The following MAGI1 variants were observed in gnomAD, a reference collection of about 807,000 sequenced individuals.
MAGI1 encodes membrane associated guanylate kinase, WW and PDZ domain containing 1.
A neutral mutation model predicts 139.9 loss-of-function variants in MAGI1; 58 were observed. The observed-to-expected ratio is 0.41, with a 90% confidence interval of 0.34 to 0.52. The LOEUF (loss-of-function observed/expected upper bound fraction) is 0.52, where lower values mean the gene tolerates loss of function less well. MAGI1 is among the 20% of genes least tolerant of loss of function. MAGI1 has a pLI of 0.12. For missense variants in MAGI1, 1,874 were observed against 1,901.6 expected (o/e 0.99, Z 0.27); for synonymous variants, 812 against 737.9 (o/e 1.10, Z -1.63).
chr3:65,384,054 T>G (rs1258688191), intron 14 of MAGI1, among the ~76,000 whole-genome samples: 1 of 152,230 alleles, frequency 6.6e-6, no homozygotes, highest in South Asian at 2.1e-4. Flanking sequence ...TCGGAAGTCA[T>G]GTTAAGTCAC....
intron 1 of MAGI1, among the ~76,000 whole-genome samples, chr3:65,689,842 G>GA (rs1230293496): frequency 6.6e-6 from 1 of 152,124 alleles, no homozygotes; most frequent in Non-Finnish European, 1.5e-5. Context: ...CAATTCACAG[G>GA]AAAAAAGGTT....
intron 1 of MAGI1, among the ~76,000 whole-genome samples, chr3:65,969,760 T>C (rs971919622): frequency 2.0e-5 from 3 of 152,218 alleles, no homozygotes; most frequent in Non-Finnish European, 4.4e-5. Context: ...CCACTAGCCA[T>C]ATGGGGCTAT....
chr3:65,510,585 G>C (rs1175761909), intron 2 of MAGI1, among the ~76,000 whole-genome samples: 1 of 141,232 alleles, frequency 7.1e-6, no homozygotes, highest in African/African-American at 2.7e-5. Context: ...GAAATGAAGC[G>C]AGAAGGGAAG....
At chr3:65,781,541 T>C (rs1024512343) in intron 1 of MAGI1, among the ~76,000 whole-genome samples, 7 of 152,168 alleles carry the variant, frequency 4.6e-5, no homozygotes, top group Non-Finnish European at 8.8e-5. Context: ...AATACAGTAG[T>C]GGTTTGTTTC....
chr3:65,701,979 C>T (rs936712544), intron 1 of MAGI1, among the ~76,000 whole-genome samples: 42 of 152,218 alleles, frequency 2.8e-4, no homozygotes, highest in African/African-American at 8.9e-4. Flanking sequence ...ATATATTCCC[C>T]GACGCTTGTT....
intron 1 of MAGI1, among the ~76,000 whole-genome samples, chr3:65,798,178 C>G (rs2040269162): frequency 7.0e-6 from 1 of 143,526 alleles, no homozygotes; most frequent in Non-Finnish European, 1.6e-5. Context: ...GTGGGGTGTG[C>G]CTGTAATCCC....
At chr3:65,833,008 G>C (rs1229896420) in intron 1 of MAGI1, among the ~76,000 whole-genome samples, 1 of 152,224 alleles carries the variant, frequency 6.6e-6, no homozygotes, top group South Asian at 2.1e-4. Flanking sequence ...ATTCCCATTT[G>C]TATGGATGAA....
chr3:65,883,883 A>C (rs2060431883), intron 1 of MAGI1, among the ~76,000 whole-genome samples: 1 of 152,236 alleles, frequency 6.6e-6, no homozygotes, highest in Non-Finnish European at 1.5e-5. Context: ...TGGAGCCAGA[A>C]CATTTCCTGT....
chr3:65,614,144 T>A (rs1267076530), intron 2 of MAGI1, among the ~76,000 whole-genome samples: 8 of 152,080 alleles, frequency 5.3e-5, no homozygotes, highest in Admixed American at 1.3e-4. Flanking sequence ...GCCCATCACA[T>A]CTGAATGTTC....
At chr3:65,522,735 A>C (rs1041235518) in intron 2 of MAGI1, among the ~76,000 whole-genome samples, 1 of 152,138 alleles carries the variant, frequency 6.6e-6, no homozygotes, top group African/African-American at 2.4e-5. Flanking sequence ...ACCTCTCCCC[A>C]AAGTAAATGC....
At chr3:65,709,035 G>T (rs928186567) in intron 1 of MAGI1, among the ~76,000 whole-genome samples, 10 of 152,332 alleles carry the variant, frequency 6.6e-5, no homozygotes, top group Admixed American at 4.6e-4. Flanking sequence ...CTGGACCTCA[G>T]AAGAGGGACA....
intron 1 of MAGI1, among the ~76,000 whole-genome samples, chr3:65,651,321 A>C: frequency 6.6e-6 from 1 of 152,198 alleles, no homozygotes; most frequent in East Asian, 1.9e-4. Context: ...CCAGATAATT[A>C]TCTTTTGAAG....
intron 1 of MAGI1, among the ~76,000 whole-genome samples, chr3:65,744,227 C>T (rs2035507218): frequency 6.6e-6 from 1 of 152,168 alleles, no homozygotes; most frequent in African/African-American, 2.4e-5. Flanking sequence ...CTAAATGCCC[C>T]ATATCAGAGA....
chr3:65,812,930 C>G (rs1226171540), intron 1 of MAGI1, among the ~76,000 whole-genome samples: 6 of 151,248 alleles, frequency 4.0e-5, no homozygotes, highest in Non-Finnish European at 7.4e-5. Flanking sequence ...AGGCTGGTCT[C>G]AAACTCCTGA....
chr3:65,478,858 A>C, intron 3 of MAGI1, 60 bp from the exon 4 acceptor site: 1 of 1,264,938 alleles, frequency 7.9e-7, no homozygotes, highest in South Asian at 1.2e-5. Flanking sequence ...TTTTTTTTTA[A>C]GACTTCACAT....
intron 1 of MAGI1, among the ~76,000 whole-genome samples, chr3:65,631,928 G>A (rs1446846174): frequency 1.3e-5 from 2 of 151,932 alleles, no homozygotes; most frequent in African/African-American, 4.8e-5. Flanking sequence ...GGGAGACTAA[G>A]GCAGGAGAAT....
At position 65,391,340 on chromosome 3, in the gene MAGI1, C is replaced by A; in HGVS notation, c.2218G>T (p.Asp740Tyr). 6.2e-7 allele frequency: 1 copy of A among 1,614,166 alleles called. No homozygotes were observed. Among genetic ancestry groups the A allele is most frequent in the Non-Finnish European group, 8.5e-7 (1 of 1,180,014 alleles). The change falls in exon 14 of 23, where the codon GAC (aspartate) becomes TAC (tyrosine). Residue 740 changes from aspartate (D) to tyrosine (Y), a missense_variant. Coordinates refer to ENST00000402939, the MANE Select transcript of MAGI1 (RefSeq NM_001033057.2). ...SPKSQPLERKDSQNSSQHSVS... is the reference protein window; with the variant it reads ...SPKSQPLERKYSQNSSQHSVS... The stretch of plus-strand genomic sequence containing the variant: ...CTGTGCTGAGAACTATTCTGGCTGT[C>A]TTTCCTTTCCAGTGGTTGCTGAAAG...
At chr3:65,901,969 C>A (rs1017826395) in intron 1 of MAGI1, among the ~76,000 whole-genome samples, 3 of 152,130 alleles carry the variant, frequency 2.0e-5, no homozygotes. Flanking sequence ...ACTACCAAGA[C>A]TGGTCTCCTC....
At chr3:65,926,535 G>T (rs1398070468) in intron 1 of MAGI1, among the ~76,000 whole-genome samples, 1 of 152,102 alleles carries the variant, frequency 6.6e-6, no homozygotes, top group Non-Finnish European at 1.5e-5. Flanking sequence ...ACAAGATACA[G>T]GTAATAAAGA....
Sources: gnomAD v4.1 joint callset for allele counts (sites outside exome capture counted in the v4.1 genomes callset) on GRCh38, gnomAD v4.1.1 for gene constraint, MANE v1.5 for transcripts, NCBI Gene and HGNC (gene_info 2026-07-23, HGNC 2026-07-21) for gene names.